Variants in CDH7 observed in about 807,000 individuals in gnomAD.
CDH7 encodes cadherin-7.
CDH7 carries 25 observed loss-of-function variants against 71.8 expected under a neutral mutation model. The observed-to-expected ratio is 0.35, with a 90% CI of 0.25 to 0.49. The LOEUF is 0.49. Ranked by LOEUF, CDH7 falls within the 20% of genes least tolerant of loss-of-function variation. The probability of loss-of-function intolerance (pLI) is 0.99; values close to 1 mark genes in which losing one functional copy is unlikely to be tolerated. For missense variants in CDH7, 862 were observed against 974.6 expected, an observed-to-expected ratio of 0.88 and a Z score of 1.54; for synonymous variants, 381 against 363.8, an observed-to-expected ratio of 1.05 and a Z score of -0.54.
intron 6 of CDH7, among the ~76,000 whole-genome samples, chr18:65,838,651 G>A (rs924845633): frequency 6.6e-6 from 1 of 152,144 alleles, no homozygotes; most frequent in South Asian, 2.1e-4. Context: ...TGAACTTAAC[G>A]AGTATGTATT....
intron 10 of CDH7, among the ~76,000 whole-genome samples, chr18:65,860,568 T>C (rs1307336598): frequency 1.3e-5 from 2 of 152,192 alleles, no homozygotes; most frequent in Non-Finnish European, 2.9e-5. Flanking sequence ...TGAGTTTTTA[T>C]TCAAGATATT....
At chr18:65,851,796 C>T (rs770845668) in intron 7 of CDH7, among the ~76,000 whole-genome samples, 3 of 152,098 alleles carry the variant, frequency 2.0e-5, no homozygotes, top group Non-Finnish European at 2.9e-5. Flanking sequence ...TGAAAAGCCC[C>T]AATTAGAACA....
At chr18:65,845,804 T>C (rs1044460694) in intron 7 of CDH7, among the ~76,000 whole-genome samples, 1 of 152,030 alleles carries the variant, frequency 6.6e-6, no homozygotes, top group South Asian at 2.1e-4. Flanking sequence ...ATGCCTGTAG[T>C]TCTAGCAACT....
In CDH7 at chr18:65,885,043, AT is replaced by A. The variant is rs1914333153; in HGVS notation, c.*4150del. The A allele has an allele frequency of 6.6e-6, 1 of 152,172 alleles. No individual in the cohort carries two copies. Among genetic ancestry groups the A allele is most frequent in the Non-Finnish European group, 1.5e-5 (1 of 68,022 alleles). 9.4% of individuals were successfully genotyped at this position (152,172 alleles called of 1,614,324 possible). A position where few individuals can be genotyped will look rare whatever the true frequency, so the allele number is the denominator to read the frequency against. ...TTTATTTTTTAATTATTAATAATGT[AT>A]ATTGTGTGTATATATGACGGTGTAT... On this transcript the variant is annotated 3_prime_UTR_variant, in exon 12 of 12. Coordinates refer to ENST00000397968, the MANE Select transcript of CDH7 (RefSeq NM_004361.5).
rs182137292 is a variant in CDH7 at position 65,811,776 on chromosome 18, A to G, written c.505+1778A>G. ...GCTAAGGTTTTCCTTTCCTGCATAG[A>G]ATATAGATATGTGAACTTTTTGTTT... On this transcript the variant is annotated intron_variant, in intron 3 of 11. Transcript: ENST00000397968. 2.4e-3 allele frequency among the ~76,000 whole-genome samples: 370 copies of G among 152,218 alleles called. 1 individual carries two copies. Among genetic ancestry groups the G allele is most frequent in the African/African-American group, 8.7e-3 (362 of 41,526 alleles).
chr18:65,806,658 ATG>A lies in CDH7; in HGVS notation c.211-3028_211-3027del, dbSNP rs60116919. 1.0e-4 allele frequency among the ~76,000 whole-genome samples: 15 copies of A among 150,454 alleles called. No homozygotes were observed. In the East Asian group the frequency reaches 1.6e-3, roughly 16 times the overall value. On this transcript the variant is annotated intron_variant, in intron 2 of 11. Coordinates refer to ENST00000397968, the MANE Select transcript of CDH7 (RefSeq NM_004361.5). ...TAGTTATTCTCAAAGGTGTCCATGC[ATG>A]TGTGTGTGTGTGTGTGTCCGTGAGT... is the stretch of plus-strand genomic sequence containing the variant.
intron 2 of CDH7, among the ~76,000 whole-genome samples, chr18:65,768,607 G>C (rs754608407): frequency 2.6e-5 from 4 of 152,186 alleles, no homozygotes; most frequent in Admixed American, 6.5e-5. Context: ...AAAGTGCGCT[G>C]TAATTGTTTG....
intron 2 of CDH7, among the ~76,000 whole-genome samples, chr18:65,789,676 G>T (rs541474044): frequency 6.6e-6 from 1 of 152,188 alleles, no homozygotes; most frequent in East Asian, 1.9e-4. Context: ...AATTTAAAAG[G>T]ATCAGATAAA....
At chr18:65,761,835 A>C (rs1427142769) in intron 1 of CDH7, among the ~76,000 whole-genome samples, 1 of 152,208 alleles carries the variant, frequency 6.6e-6, no homozygotes, top group Non-Finnish European at 1.5e-5. Flanking sequence ...GCATGCCAGC[A>C]ATGAATGGGC....
rs569570220 is a variant in CDH7, at chr18:65,824,677, C to G, written c.827C>G (p.Pro276Arg). 3.6e-4 allele frequency: 575 copies of G among 1,610,112 alleles called. 6 individuals are homozygous for G. In the South Asian group the frequency reaches 6.1e-3, roughly 17 times the overall value. The change falls in exon 6 of 12, where the codon CCT becomes CGT. Residue 276 changes from proline (P) to arginine (R), a missense_variant. Physicochemically the swap from Pro to Arg is moderately radical, Grantham distance 103 (BLOSUM62 -2). Coordinates refer to ENST00000397968, the MANE Select transcript of CDH7 (RefSeq NM_004361.5). Reference sequence around the variant, plus strand: ...CAATATAACGTCCCAGAGTCATTACCTGTAGCCTCAGTTGTGGCCAGAATT... The same window carrying G: ...CAATATAACGTCCCAGAGTCATTACGTGTAGCCTCAGTTGTGGCCAGAATT... Reference protein sequence around the residue: ...SYQYNVPESLPVASVVARIKA... With the variant: ...SYQYNVPESLRVASVVARIKA...
At chr18:65,841,789 C>T (rs1912742812) in intron 6 of CDH7, among the ~76,000 whole-genome samples, 1 of 152,056 alleles carries the variant, frequency 6.6e-6, no homozygotes, top group African/African-American at 2.4e-5. Context: ...GAATCAGAAT[C>T]CATTGGAAGG....
intron 2 of CDH7, among the ~76,000 whole-genome samples, chr18:65,791,339 C>G (rs527794179): frequency 1.3e-5 from 2 of 152,138 alleles, no homozygotes; most frequent in Non-Finnish European, 2.9e-5. Flanking sequence ...CCTGTTCTTT[C>G]TATGTGATGT....
At chr18:65,831,511 G>A (rs1376268689) in intron 6 of CDH7, among the ~76,000 whole-genome samples, 2 of 152,082 alleles carry the variant, frequency 1.3e-5, no homozygotes, top group East Asian at 3.9e-4. Context: ...CAGAATCAAG[G>A]AAGTCTTGTT....
At chr18:65,860,351 A>G (rs1913520025) in intron 10 of CDH7, among the ~76,000 whole-genome samples, 2 of 152,198 alleles carry the variant, frequency 1.3e-5, no homozygotes, top group African/African-American at 4.8e-5. Flanking sequence ...TGTTAAAAAT[A>G]ACAAAACTCC....
intron 2 of CDH7, among the ~76,000 whole-genome samples, chr18:65,805,500 A>G (rs1422838568): frequency 6.6e-6 from 1 of 152,234 alleles, no homozygotes; most frequent in Non-Finnish European, 1.5e-5. Context: ...ATATTTGGTG[A>G]GCATGCTGAA....
chr18:65,851,482 G>T (rs946767045), intron 7 of CDH7, among the ~76,000 whole-genome samples: 2 of 152,082 alleles, frequency 1.3e-5, no homozygotes, highest in Non-Finnish European at 2.9e-5. Context: ...TTAATAGCTG[G>T]TGATAAGAAT....
At chr18:65,751,545 G>T (rs1009742365) in intron 1 of CDH7, among the ~76,000 whole-genome samples, 1 of 152,182 alleles carries the variant, frequency 6.6e-6, no homozygotes, top group Non-Finnish European at 1.5e-5. Context: ...GCACAACTCC[G>T]CGCCGGCTGT....
chr18:65,824,857 A>G (rs773795246), intron 6 of CDH7, 26 bp downstream of exon 6: 7 of 1,501,540 alleles, frequency 4.7e-6, no homozygotes, highest in Non-Finnish European at 6.4e-6. Flanking sequence ...TTTATCTTTT[A>G]TCACAGATTA....
At chr18:65,872,451 C>T (rs1461560426) in intron 11 of CDH7, among the ~76,000 whole-genome samples, 1 of 152,072 alleles carries the variant, frequency 6.6e-6, no homozygotes, top group Non-Finnish European at 1.5e-5. Flanking sequence ...ACTTAATGTC[C>T]TCCCTTTTTG....
Sources: allele counts gnomAD v4.1 joint callset (sites outside exome capture counted in the v4.1 genomes callset), GRCh38; gene constraint gnomAD v4.1.1; transcripts MANE v1.5; gene names NCBI Gene and HGNC (gene_info 2026-07-23, HGNC 2026-07-21).